Variants in SLCO4A1 observed in about 807,000 individuals in gnomAD.
The protein encoded by SLCO4A1 is colon organic anion transporter.
SLCO4A1 carries 51 observed loss-of-function variants against 64.6 expected under a neutral mutation model. The ratio of observed to expected loss-of-function variants is 0.79; its 90% CI spans 0.63 to 1.00. The LOEUF (loss-of-function observed/expected upper bound fraction) is 1.00. Ranked by LOEUF, SLCO4A1 falls within the 50% of genes least tolerant of loss-of-function variation. SLCO4A1 has a pLI of 0.00. For missense variants in SLCO4A1, 919 were observed against 980.5 expected, an observed-to-expected ratio of 0.94 and a Z score of 0.84; for synonymous variants, 471 against 444.9, an observed-to-expected ratio of 1.06 and a Z score of -0.74.
chr20:62,678,748 T>C (rs1987701375), intron 2 of SLCO4A1, among the ~76,000 whole-genome samples: 1 of 152,100 alleles, frequency 6.6e-6, no homozygotes, highest in Admixed American at 6.5e-5. Context: ...GGGGGCACTG[T>C]TAATATGCAA....
In SLCO4A1 at chr20:62,661,874, G is replaced by A. The variant is rs1431478003; in HGVS notation, c.1121+699G>A. 6.6e-5 allele frequency among the ~76,000 whole-genome samples: 10 copies of A among 151,780 alleles called. No individual in the cohort carries two copies. Among genetic ancestry groups the A allele is most frequent in the Admixed American group, 5.9e-4 (9 of 15,264 alleles). On this transcript the variant is annotated intron_variant, in intron 5 of 11. Coordinates refer to ENST00000217159, the MANE Select transcript of SLCO4A1 (RefSeq NM_016354.4). The surrounding 1 kb of genome is among the most constrained non-coding windows in gnomAD (Gnocchi z 5.2). ...GTGGGGTCCTAGAGGGACAACAGAG[G>A]GGCCCGGGCCCTCCCGGCCTCTCCT...
intron 2 of SLCO4A1, among the ~76,000 whole-genome samples, chr20:62,657,797 T>C (rs1026601881): frequency 2.6e-5 from 4 of 152,184 alleles, no homozygotes; most frequent in African/African-American, 4.8e-5. Context: ...GGCAGCCACA[T>C]AGGGGTGTGG....
chr20:62,660,507 T>TC lies in SLCO4A1; in HGVS notation c.985dup (p.Leu329ProfsTer224). The TC allele has an allele frequency of 1.2e-6, 2 of 1,605,756 alleles. No homozygotes were observed. The highest frequency in any genetic ancestry group is 3.3e-5 in the Admixed American group (2 of 60,014). On this transcript the variant is annotated frameshift_variant, in exon 4 of 12. Coordinates refer to ENST00000217159, the MANE Select transcript of SLCO4A1 (RefSeq NM_016354.4). LOFTEE classifies it high-confidence loss of function. Reference sequence around the variant, plus strand: ...GCTGCTTTCTTCACCGCCGTTCCCATCCTTGGTTACCCTCGGCAGCTGCCA... The same window carrying TC: ...GCTGCTTTCTTCACCGCCGTTCCCATCCCTTGGTTACCCTCGGCAGCTGCCA...
downstream of SLCO4A1, among the ~76,000 whole-genome samples, chr20:62,689,758 C>T (rs117590445): frequency 9.5e-3 from 1,453 of 152,340 alleles, 17 homozygotes; most frequent in Non-Finnish European, 0.015. Context: ...AGGGATCCTG[C>T]CAAGCTGCCC....
chr20:62,666,249 G>A (rs112236192), intron 6 of SLCO4A1, 131 bp from the exon 7 acceptor site: 17 of 718,602 alleles, frequency 2.4e-5, no homozygotes, highest in Non-Finnish European at 3.7e-5. Context: ...GTTGAGTGCT[G>A]CCATGCAGGC....
intron 5 of SLCO4A1, among the ~76,000 whole-genome samples, chr20:62,662,173 T>G (rs1985081600): frequency 6.6e-6 from 1 of 152,108 alleles, no homozygotes; most frequent in Non-Finnish European, 1.5e-5. Context: ...AGCCCCAAGC[T>G]GTCCACGGCA....
intron 9 of SLCO4A1, 39 bp downstream of exon 9, chr20:62,668,223 C>T (rs374151588): frequency 1.7e-5 from 28 of 1,607,530 alleles, no homozygotes; most frequent in Middle Eastern, 1.6e-4. Flanking sequence ...CAGAGCTTTC[C>T]TTGCAGCACC....
At chr20:62,657,968 G>C (rs1250266022) in intron 2 of SLCO4A1, among the ~76,000 whole-genome samples, 2 of 151,942 alleles carry the variant, frequency 1.3e-5, no homozygotes, top group African/African-American at 4.8e-5. Context: ...CCCCTCACTG[G>C]CTTCCTGCTC....
At chr20:62,659,799 G>A (rs1392733181) in intron 3 of SLCO4A1, among the ~76,000 whole-genome samples, 6 of 152,186 alleles carry the variant, frequency 3.9e-5, no homozygotes, top group East Asian at 3.8e-4. Context: ...CCCTCCCGCC[G>A]CTGCCTCACT....
At chr20:62,668,889 C>G (rs1182921174) in intron 10 of SLCO4A1, 41 bp from the exon 11 acceptor site, 2 of 1,586,406 alleles carry the variant, frequency 1.3e-6, no homozygotes, top group Admixed American at 3.4e-5. Flanking sequence ...CTAGCCCCTA[C>G]CCACCAGGAG....
chr20:62,687,003 C>CA (rs1337106390), downstream of SLCO4A1, among the ~76,000 whole-genome samples: 6 of 145,718 alleles, frequency 4.1e-5, no homozygotes, highest in African/African-American at 1.6e-4. Flanking sequence ...ATGGGAAGGG[C>CA]ACCCCCAAAC....
chr20:62,657,297 A>G, intron 2 of SLCO4A1, 47 bp downstream of exon 2: 1 of 1,465,872 alleles, frequency 6.8e-7, no homozygotes, highest in Non-Finnish European at 9.1e-7. Flanking sequence ...GGCTGAGGGC[A>G]GTGTTGCAGG....
At chr20:62,679,514 C>A (rs1449531489) in intron 2 of SLCO4A1, among the ~76,000 whole-genome samples, 1 of 152,064 alleles carries the variant, frequency 6.6e-6, no homozygotes, top group East Asian at 1.9e-4. Context: ...GGCACATAAC[C>A]ACCACGCCCA....
At chr20:62,652,487 C>T (rs532691880) in intron 1 of SLCO4A1, among the ~76,000 whole-genome samples, 4 of 152,304 alleles carry the variant, frequency 2.6e-5, no homozygotes, top group Non-Finnish European at 2.9e-5. Context: ...CCGGCTTTTC[C>T]GCTGACTCCT....
At chr20:62,669,224 T>C in intron 11 of SLCO4A1, 146 bp downstream of exon 11, 2 of 799,800 alleles carry the variant, frequency 2.5e-6, no homozygotes, top group Non-Finnish European at 2.0e-6. Flanking sequence ...CCTTCCCACA[T>C]TCCTCATGAG....
At chr20:62,689,865 G>A (rs6011663), downstream of SLCO4A1, among the ~76,000 whole-genome samples, 46,568 of 152,146 alleles carry the variant, frequency 0.31, 7,380 homozygotes, top group Middle Eastern at 0.35. Context: ...GAGGAAGGGG[G>A]TGGACCTGAG....
intron 11 of SLCO4A1, 141 bp from the exon 12 acceptor site, chr20:62,671,609 C>CCTCTCAGA: frequency 1.4e-6 from 1 of 722,776 alleles, no homozygotes. Flanking sequence ...GGAAAGATAC[C>CCTCTCAGA]CTCTCAGAGC....
intron 7 of SLCO4A1, among the ~76,000 whole-genome samples, chr20:62,667,252 A>C (rs188148922): frequency 6.6e-6 from 1 of 152,336 alleles, no homozygotes; most frequent in Admixed American, 6.5e-5. Context: ...GAGTTGGACA[A>C]TGGGCGCAGT....
chr20:62,648,043 C>G (rs537581607), intron 1 of SLCO4A1, among the ~76,000 whole-genome samples: 1 of 152,240 alleles, frequency 6.6e-6, no homozygotes, highest in Non-Finnish European at 1.5e-5. Context: ...CGCACACGCA[C>G]GCATACACCC....
Sources: gnomAD v4.1 joint callset for allele counts (sites outside exome capture counted in the v4.1 genomes callset) on GRCh38, gnomAD v4.1.1 for gene constraint, Gnocchi (gnomAD v3.1) non-coding constraint, MANE v1.5 for transcripts, NCBI Gene and HGNC (gene_info 2026-07-23, HGNC 2026-07-21) for gene names.